LINGO2: variants seen among roughly 807,000 people sequenced by gnomAD.
The protein encoded by LINGO2 is leucine-rich repeat and immunoglobulin-like domain-containing nogo receptor-interacting protein 2.
LINGO2 carries 14 observed loss-of-function variants against 30.6 expected under a neutral mutation model. The observed-to-expected ratio is 0.46, with a 90% confidence interval of 0.30 to 0.72. The LOEUF is 0.72. Among genes scored for constraint, LINGO2 ranks in the 30% least tolerant of loss-of-function variants. The probability of loss-of-function intolerance (pLI) is 0.07; values close to 1 mark genes in which losing one functional copy is unlikely to be tolerated. For missense variants in LINGO2, 729 were observed against 751.7 expected (o/e 0.97, Z 0.35); for synonymous variants, 317 against 288.5 (o/e 1.10, Z -1.00).
chr9:28,992,243 C>T, the LINGO2 span, among the ~76,000 whole-genome samples: 3 of 151,598 alleles, frequency 2.0e-5, no homozygotes, highest in Non-Finnish European at 2.9e-5. Context: ...AGACTTTAAA[C>T]CAACAAAGAT....
the LINGO2 span, among the ~76,000 whole-genome samples, chr9:28,891,639 G>T: frequency 6.6e-6 from 1 of 151,936 alleles, no homozygotes; most frequent in Non-Finnish European, 1.5e-5. Flanking sequence ...AGTTATTTAA[G>T]ATGATGAAAA....
chr9:28,900,254 T>A, the LINGO2 span, among the ~76,000 whole-genome samples: 1 of 152,184 alleles, frequency 6.6e-6, no homozygotes, highest in Non-Finnish European at 1.5e-5. Context: ...GGCCCCAGGG[T>A]CCATGCCCCC....
chr9:28,230,418 T>A (rs984342733), intron 4 of LINGO2, among the ~76,000 whole-genome samples: 6 of 151,864 alleles, frequency 4.0e-5, no homozygotes, highest in South Asian at 4.1e-4. Flanking sequence ...GGTTTGTTTT[T>A]GAGGTCTAAT....
intron 2 of LINGO2, among the ~76,000 whole-genome samples, chr9:28,395,290 A>C (rs1821993835): frequency 6.6e-6 from 1 of 152,232 alleles, no homozygotes; most frequent in Admixed American, 6.5e-5. Context: ...AGTCGAAAAA[A>C]AATGTATTAG....
At chr9:29,006,995 T>C in the LINGO2 span, among the ~76,000 whole-genome samples, 9 of 152,142 alleles carry the variant, frequency 5.9e-5, no homozygotes, top group African/African-American at 2.2e-4. Context: ...TGCAACTCTA[T>C]AGCATCTGAG....
At chr9:28,634,937 T>C (rs746911902) in intron 1 of LINGO2, among the ~76,000 whole-genome samples, 2 of 152,304 alleles carry the variant, frequency 1.3e-5, no homozygotes, top group Middle Eastern at 3.4e-3. Flanking sequence ...CAAGGAGAGA[T>C]AATAATTCTG....
the LINGO2 span, among the ~76,000 whole-genome samples, chr9:28,996,149 G>A: frequency 1.3e-5 from 2 of 150,316 alleles, no homozygotes; most frequent in Admixed American, 1.3e-4. Flanking sequence ...GTGAAGTAAG[G>A]CCTCCTTGCC....
downstream of LINGO2, chr9:27,944,508 GA>G (rs1270796668): frequency 6.6e-6 from 1 of 152,040 alleles, no homozygotes; most frequent in Admixed American, 6.6e-5. Flanking sequence ...GTTGCCTAAC[GA>G]AAATAGAAAA....
chr9:28,799,955 C>A, the LINGO2 span, among the ~76,000 whole-genome samples: 1 of 152,004 alleles, frequency 6.6e-6, no homozygotes, highest in African/African-American at 2.4e-5. Context: ...AAAAAATAAT[C>A]ATTTAGCAAA....
chr9:28,037,592 A>T (rs1823998287), intron 4 of LINGO2, among the ~76,000 whole-genome samples: 1 of 152,230 alleles, frequency 6.6e-6, no homozygotes. Flanking sequence ...TTTGTTTGTT[A>T]TGTAGTTATT....
chr9:29,092,601 T>A, the LINGO2 span, among the ~76,000 whole-genome samples: 1 of 88,922 alleles, frequency 1.1e-5, no homozygotes. Flanking sequence ...ATGATTTAAG[T>A]ACAGTCTTCA....
chr9:28,068,024 T>C (rs1825364891), intron 4 of LINGO2, among the ~76,000 whole-genome samples: 1 of 152,142 alleles, frequency 6.6e-6, no homozygotes, highest in African/African-American at 2.4e-5. Flanking sequence ...GGCATAGTGC[T>C]TTGGGGCATC....
At position 28,282,583 on chromosome 9, in the gene LINGO2, G is replaced by A. The variant is rs1823366227; in HGVS notation, c.-87+12625C>T. ...GAAAATATTATTTTTCAAATAAAAA[G>A]TATCATAAGTTATCTTAGACCCTGT... On this transcript the variant is annotated intron_variant, in intron 4 of 5. Transcript: ENST00000379992. 3.3e-5 allele frequency among the ~76,000 whole-genome samples: 5 copies of A among 152,066 alleles called. No homozygotes were observed. In the South Asian group the frequency reaches 1.0e-3, roughly 32 times the overall value.
the LINGO2 span, among the ~76,000 whole-genome samples, chr9:29,026,026 T>A: frequency 1.6e-4 from 24 of 152,230 alleles, no homozygotes; most frequent in African/African-American, 5.5e-4. Context: ...ATATTATTGC[T>A]TTTCTTTTTT....
chr9:27,997,422 C>A (rs1221623288), intron 5 of LINGO2, among the ~76,000 whole-genome samples: 2 of 152,016 alleles, frequency 1.3e-5, no homozygotes, highest in African/African-American at 4.8e-5. Flanking sequence ...AGTGAGAAAT[C>A]TGAGTCCAGA....
the LINGO2 span, among the ~76,000 whole-genome samples, chr9:28,799,233 G>C: frequency 6.6e-6 from 1 of 152,014 alleles, no homozygotes; most frequent in East Asian, 1.9e-4. Flanking sequence ...CAAGAAATTA[G>C]GAGGAATGAC....
At chr9:29,163,533 A>G in the LINGO2 span, among the ~76,000 whole-genome samples, 1 of 152,190 alleles carries the variant, frequency 6.6e-6, no homozygotes, top group Admixed American at 6.5e-5. Context: ...TATCCTAGGA[A>G]AGGTCCTTTC....
intron 1 of LINGO2, among the ~76,000 whole-genome samples, chr9:28,581,566 G>T (rs1824260309): frequency 1.3e-5 from 2 of 151,086 alleles, no homozygotes; most frequent in Admixed American, 1.3e-4. Context: ...AAGTCTGAAA[G>T]GAAAACTTAC....
At chr9:29,089,312 C>A in the LINGO2 span, among the ~76,000 whole-genome samples, 2 of 151,622 alleles carry the variant, frequency 1.3e-5, no homozygotes, top group Non-Finnish European at 1.5e-5. Context: ...TTTGGTTGAA[C>A]AATAATACAT....
Sources: gnomAD v4.1 joint callset for allele counts (sites outside exome capture counted in the v4.1 genomes callset) on GRCh38, gnomAD v4.1.1 for gene constraint, MANE v1.5 for transcripts, NCBI Gene and HGNC (gene_info 2026-07-23, HGNC 2026-07-21) for gene names.